TASP1: variants seen among roughly 807,000 people sequenced by gnomAD.
TASP1 encodes threonine aspartase 1.
Under a neutral mutation model 56.6 loss-of-function variants are expected in TASP1, and 16 were observed. That is an observed-to-expected ratio of 0.28 (90% CI 0.19 to 0.43). The LOEUF (loss-of-function observed/expected upper bound fraction) is 0.43, where lower values mean the gene tolerates loss of function less well. Among genes scored for constraint, TASP1 ranks in the 20% least tolerant of loss-of-function variants. TASP1 has a pLI of 1.00. For missense variants in TASP1, 393 were observed against 511.6 expected (o/e 0.77, Z 2.24); for synonymous variants, 179 against 184.2 (o/e 0.97, Z 0.23).
chr20:13,342,299 G>C, the TASP1 span, among the ~76,000 whole-genome samples: 7 of 152,308 alleles, frequency 4.6e-5, no homozygotes, highest in East Asian at 9.6e-4. Flanking sequence ...TTTTGTGTTT[G>C]TTTTGACTTT....
chr20:13,183,152 C>T, the TASP1 span, among the ~76,000 whole-genome samples: 7 of 152,282 alleles, frequency 4.6e-5, no homozygotes, highest in East Asian at 1.2e-3. Flanking sequence ...CTATTAGCAA[C>T]CCTGAGACCA....
At chr20:13,600,415 T>G (rs1426892454) in intron 4 of TASP1, 1 of 152,010 alleles carries the variant, frequency 6.6e-6, no homozygotes, top group East Asian at 1.9e-4. Flanking sequence ...TGGAATAGAG[T>G]TCAGAAATAG....
chr20:13,543,111 C>T (rs763138497), intron 8 of TASP1, among the ~76,000 whole-genome samples: 7 of 152,084 alleles, frequency 4.6e-5, no homozygotes, highest in African/African-American at 7.2e-5. Context: ...CAGCAAAAGC[C>T]CATCCCTCCA....
intron 5 of TASP1, 45 bp from the exon 6 acceptor site, chr20:13,581,026 T>A: frequency 1.9e-6 from 3 of 1,557,642 alleles, no homozygotes; most frequent in Non-Finnish European, 2.6e-6. Flanking sequence ...GTCAGAAATG[T>A]CTTCTAGTTT....
the TASP1 span, among the ~76,000 whole-genome samples, chr20:13,159,746 C>T: frequency 2.0e-5 from 3 of 152,096 alleles, no homozygotes; most frequent in African/African-American, 7.2e-5. Flanking sequence ...TCAATATCCA[C>T]AATTATCTAA....
chr20:13,217,139 T>C, the TASP1 span, among the ~76,000 whole-genome samples: 3 of 152,240 alleles, frequency 2.0e-5, no homozygotes, highest in Non-Finnish European at 4.4e-5. Flanking sequence ...CATTGCTTAA[T>C]TGAGCCCTTA....
At chr20:13,435,548 G>C (rs2042971903) in intron 11 of TASP1, among the ~76,000 whole-genome samples, 1 of 152,092 alleles carries the variant, frequency 6.6e-6, no homozygotes. Context: ...ACCACCAAAA[G>C]CTTCAGTTTA....
the TASP1 span, among the ~76,000 whole-genome samples, chr20:13,366,009 C>A: frequency 6.2e-3 from 945 of 152,188 alleles, 13 homozygotes; most frequent in African/African-American, 0.022. Context: ...GATTCAAAGA[C>A]AACATTTAGA....
chr20:13,382,632 G>C, the TASP1 span, among the ~76,000 whole-genome samples: 1 of 152,092 alleles, frequency 6.6e-6, no homozygotes, highest in Non-Finnish European at 1.5e-5. Context: ...GGCAACAGAG[G>C]GAGACCTTGT....
At chr20:13,315,544 C>T in the TASP1 span, among the ~76,000 whole-genome samples, 3 of 151,952 alleles carry the variant, frequency 2.0e-5, no homozygotes, top group Non-Finnish European at 2.9e-5. Flanking sequence ...GAGAAAGAAA[C>T]TAATAGACTG....
chr20:13,429,178 T>C (rs2042716912), intron 12 of TASP1, among the ~76,000 whole-genome samples: 1 of 152,188 alleles, frequency 6.6e-6, no homozygotes, highest in Admixed American at 6.5e-5. Flanking sequence ...GTCACAGTCA[T>C]TGTTAGAAGG....
At chr20:13,110,721 A>G in the TASP1 span, among the ~76,000 whole-genome samples, 1 of 152,082 alleles carries the variant, frequency 6.6e-6, no homozygotes, top group Non-Finnish European at 1.5e-5. Context: ...CCTGGGGTGC[A>G]ATTCTTGTTC....
chr20:13,212,311 A>G, the TASP1 span, among the ~76,000 whole-genome samples: 2 of 152,194 alleles, frequency 1.3e-5, no homozygotes, highest in Non-Finnish European at 2.9e-5. Flanking sequence ...TCAAAGGAAG[A>G]CTGCCCTTTG....
At chr20:13,262,963 G>T in the TASP1 span, among the ~76,000 whole-genome samples, 32,832 of 152,094 alleles carry the variant, frequency 0.22, 3,771 homozygotes, top group Non-Finnish European at 0.24. Context: ...TAGTCAGACC[G>T]TGACAGCAGG....
chr20:13,126,813 T>C, the TASP1 span: 2 of 1,447,480 alleles, frequency 1.4e-6, no homozygotes, highest in East Asian at 2.4e-5. Context: ...CTTTATCTTA[T>C]AGAACCCTAT....
chr20:13,412,009 G>A (rs768258272), intron 13 of TASP1, among the ~76,000 whole-genome samples: 24 of 152,200 alleles, frequency 1.6e-4, no homozygotes, highest in Non-Finnish European at 3.2e-4. Context: ...ATGCTTCCGA[G>A]TTGTCTTGCG....
chr20:13,315,874 C>T, the TASP1 span, among the ~76,000 whole-genome samples: 4 of 151,956 alleles, frequency 2.6e-5, no homozygotes, highest in Non-Finnish European at 5.9e-5. Context: ...TTACAGATTA[C>T]ACAACATACT....
chr20:13,603,210 G>A (rs1204755396), intron 4 of TASP1, among the ~76,000 whole-genome samples: 1 of 150,170 alleles, frequency 6.7e-6, no homozygotes, highest in Admixed American at 6.7e-5. Flanking sequence ...TAGCCTGGGA[G>A]ATAAATTAAG....
At chr20:13,423,720 C>T (rs1177443206) in intron 12 of TASP1, among the ~76,000 whole-genome samples, 1 of 152,134 alleles carries the variant, frequency 6.6e-6, no homozygotes, top group Non-Finnish European at 1.5e-5. Context: ...TGAAGGGCAA[C>T]CTATTTTTCA....
Sources: gnomAD v4.1 joint callset for allele counts (sites outside exome capture counted in the v4.1 genomes callset) on GRCh38, gnomAD v4.1.1 for gene constraint, MANE v1.5 for transcripts, NCBI Gene and HGNC (gene_info 2026-07-23, HGNC 2026-07-21) for gene names.